TPR: variants seen among roughly 807,000 people sequenced by gnomAD.
TPR encodes the protein translocated promoter region, nuclear basket protein.
A neutral mutation model predicts 316.1 loss-of-function variants in TPR; 51 were observed. The observed-to-expected ratio is 0.16, with a 90% confidence interval of 0.13 to 0.20. TPR has a LOEUF of 0.20. Among genes scored for constraint, TPR ranks in the 10% least tolerant of loss-of-function variants. TPR has a pLI of 1.00. For missense variants in TPR, 2,272 were observed against 2,754.8 expected (o/e 0.82, Z 3.92); for synonymous variants, 981 against 914.7 (o/e 1.07, Z -1.31).
Position 186,318,516 on chromosome 1 carries a change from A to G in TPR, c.6752T>C (p.Leu2251Ser), listed in dbSNP as rs1369543016. 3.1e-6 allele frequency: 5 copies of G among 1,614,144 alleles called. No individual in the cohort carries two copies. Among genetic ancestry groups the G allele is most frequent in the Admixed American group, 1.7e-5 (1 of 60,012 alleles). The change falls in exon 48 of 51, where the codon TTA becomes TCA. Residue 2251 changes from leucine (L) to serine (S), a missense_variant. Physicochemically the swap from Leu to Ser is moderately radical, Grantham distance 145. Around this residue, in one of 10 missense-constraint regions of TPR, gnomAD observed 123 missense variants for 142.3 expected, o/e 0.86. Coordinates refer to ENST00000367478, the MANE Select transcript of TPR (RefSeq NM_003292.3). ...TGTTGCTGTTTCATTTGTTGTAGAT[A>G]AAGTGCCAGTGGATGTAGTCACCAT... ...VPMVTTSTGTLSTTNETATGD... is the reference protein window; with the variant it reads ...VPMVTTSTGTSSTTNETATGD...
At chr1:186,334,258 A>T (rs1658272634) in intron 36 of TPR, 67 bp downstream of exon 36, 1 of 1,423,728 alleles carries the variant, frequency 7.0e-7, no homozygotes, top group Admixed American at 2.2e-5. Flanking sequence ...TGTCTTTGAA[A>T]TTACTGTCAT....
At chr1:186,373,773 C>A (rs966905056) in intron 1 of TPR, among the ~76,000 whole-genome samples, 4 of 152,016 alleles carry the variant, frequency 2.6e-5, no homozygotes, top group Non-Finnish European at 4.4e-5. Context: ...CAGTAAACTG[C>A]TTAATAAATA....
In TPR at chr1:186,327,679, TA is replaced by T. The variant is rs775081240; in HGVS notation, c.5689-20del. 5.0e-6 allele frequency: 8 copies of T among 1,605,738 alleles called. No homozygotes were observed. In the Admixed American group the frequency reaches 1.2e-4, roughly 24 times the overall value. ...TAACTCCCTTTAAAAATAAAAAAGT[TA>T]AAAAAGAATTAAGAGCCCTATAAAC... On this transcript the variant is annotated intron_variant, in intron 39 of 50. Coordinates refer to ENST00000367478, the MANE Select transcript of TPR (RefSeq NM_003292.3).
intron 12 of TPR, 90 bp downstream of exon 12, chr1:186,359,708 CT>C: frequency 7.7e-7 from 1 of 1,290,742 alleles, no homozygotes; most frequent in Non-Finnish European, 1.0e-6. Flanking sequence ...TTAGATTTTT[CT>C]GACTCAATCA....
At position 186,332,196 on chromosome 1, in the gene TPR, T is replaced by G; in HGVS notation, c.5603A>C (p.Glu1868Ala). 3.7e-6 allele frequency: 6 copies of G among 1,607,048 alleles called. No individual in the cohort carries two copies. The highest frequency in any genetic ancestry group is 5.1e-6 in the Non-Finnish European group (6 of 1,177,352). The change falls in exon 38 of 51, where the codon GAG becomes GCG. Residue 1868 changes from glutamate (E) to alanine (A), a missense_variant and splice_region_variant. Coordinates refer to ENST00000367478, the MANE Select transcript of TPR (RefSeq NM_003292.3). Reference sequence around the variant, plus strand: ...ATACACAGAAAGAACTTTACGCACCTCAGTTCCTACAGGTGTGACACTTTT... The same window carrying G: ...ATACACAGAAAGAACTTTACGCACCGCAGTTCCTACAGGTGTGACACTTTT... ...KLKSVTPVGT[E>A]EEVMAEESTD...
At chr1:186,347,672 T>C (rs1315469736) in intron 21 of TPR, among the ~76,000 whole-genome samples, 4 of 152,204 alleles carry the variant, frequency 2.6e-5, no homozygotes, top group African/African-American at 4.8e-5. Context: ...TTTAAATCTG[T>C]TACAAAAATT....
In TPR at chr1:186,357,399, G is replaced by A. The variant is rs1471540815; in HGVS notation, c.1722C>T (p.Ser574=). ...REREEQETTS[S]KITELQLKLE... ...AGCTGAGGTATGTGACTACTTACTT[G>A]GATGAAGTTGTTTCTTGTTCTTCTC... The change falls in exon 14 of 51, where the codon TCC becomes TCT. Residue 574 remains serine (S), a splice_region_variant and synonymous_variant. Coordinates refer to ENST00000367478, the MANE Select transcript of TPR (RefSeq NM_003292.3). 3 of 1,613,206 alleles carry A rather than the reference G, an allele frequency of 1.9e-6. No individual in the cohort carries two copies. Among genetic ancestry groups the A allele is most frequent in the African/African-American group, 1.3e-5 (1 of 74,744 alleles).
intron 1 of TPR, among the ~76,000 whole-genome samples, chr1:186,373,945 T>A (rs1243429488): frequency 6.6e-6 from 1 of 152,244 alleles, no homozygotes; most frequent in Admixed American, 6.5e-5. Context: ...TTGAATATCA[T>A]GTTCAGCATA....
chr1:186,322,450 A>T (rs924341607), intron 44 of TPR, 38 bp from the exon 45 acceptor site: 2 of 1,609,494 alleles, frequency 1.2e-6, no homozygotes, highest in Non-Finnish European at 1.7e-6. Context: ...ACAAAACACC[A>T]CACATATGGA....
At position 186,371,182 on chromosome 1, in the gene TPR, C is replaced by A; in HGVS notation, c.257-139G>T. ...AAAGACTGCATTGTACATCACATTCCAAATTCATGAATGCATTCAAAATTT... is the reference window on the plus strand; with the variant it reads ...AAAGACTGCATTGTACATCACATTCAAAATTCATGAATGCATTCAAAATTT... On this transcript the variant is annotated intron_variant, in intron 2 of 50. Transcript: ENST00000367478. 1.4e-5 allele frequency: 9 copies of A among 659,886 alleles called. No individual in the cohort carries two copies. In the South Asian group the frequency reaches 1.8e-4, roughly 13 times the overall value. 40.9% of individuals were successfully genotyped at this position (659,886 alleles called of 1,614,324 possible). A position where few individuals can be genotyped will look rare whatever the true frequency, so the allele number is the denominator to read the frequency against.
intron 39 of TPR, 30 bp downstream of exon 39, chr1:186,331,468 G>T (rs1658164278): frequency 2.0e-6 from 3 of 1,498,642 alleles, no homozygotes; most frequent in African/African-American, 1.4e-5. Context: ...AAAAGCAACG[G>T]TGTGGTACTT....
At chr1:186,337,379 A>C (rs912833090) in intron 31 of TPR, among the ~76,000 whole-genome samples, 11 of 152,188 alleles carry the variant, frequency 7.2e-5, no homozygotes, top group African/African-American at 2.7e-4. Context: ...ATGATGCATT[A>C]TAGTTGAATT....
At position 186,311,828 on chromosome 1, in the gene TPR, A is replaced by C; in HGVS notation, c.*2143T>G. On this transcript the variant is annotated 3_prime_UTR_variant, in exon 51 of 51. Transcript: ENST00000367478. ...GTTTTCAGGTCACTGATAGAATGTC[A>C]TTTACTTTCGCTTCACAAATGTGCA... The C allele has an allele frequency of 5.1e-6, 3 of 589,678 alleles. No individual in the cohort carries two copies. Among genetic ancestry groups the C allele is most frequent in the African/African-American group, 1.9e-5 (1 of 53,858 alleles). The allele number at this position is 589,678 out of a possible 1,614,324, so 36.5% of individuals were successfully genotyped here. A position where few individuals can be genotyped will look rare whatever the true frequency, so the allele number is the denominator to read the frequency against.
At chr1:186,334,960 G>GTT (rs1375081617) in intron 35 of TPR, 108 bp downstream of exon 35, 1 of 1,156,860 alleles carries the variant, frequency 8.6e-7, no homozygotes, top group Non-Finnish European at 1.2e-6. Context: ...TTTAGTGTAT[G>GTT]TTTTTACAAT....
At chr1:186,341,774 T>C (rs957772336) in intron 27 of TPR, 1 of 161,038 alleles carries the variant, frequency 6.2e-6, no homozygotes, top group East Asian at 1.8e-4. Flanking sequence ...CTCATTTTGA[T>C]CCATTGTTTC....
At chr1:186,315,704 A>C (rs1451254856) in intron 49 of TPR, among the ~76,000 whole-genome samples, 1 of 151,646 alleles carries the variant, frequency 6.6e-6, no homozygotes, top group Admixed American at 6.6e-5. Context: ...AGCCAAGGCA[A>C]TTACAATGAT....
chr1:186,340,456 G>A (rs1243793867), intron 29 of TPR, among the ~76,000 whole-genome samples: 1 of 150,852 alleles, frequency 6.6e-6, no homozygotes, highest in African/African-American at 2.4e-5. Flanking sequence ...TTTTGAGACA[G>A]GGTCTCCCTC....
Position 186,351,992 on chromosome 1 carries a change from T to C in TPR, c.2453A>G (p.Asn818Ser), listed in dbSNP as rs772446752. The C allele has an allele frequency of 6.2e-7, 1 of 1,601,394 alleles. No homozygotes were observed. The highest frequency in any genetic ancestry group is 1.1e-5 in the South Asian group (1 of 87,480). Reference protein sequence around the residue: ...EQRGQNLLLTNLQTIQGILER... With the variant: ...EQRGQNLLLTSLQTIQGILER... Reference sequence around the variant, plus strand: ...TTTGGTTACCTGAATTGTTTGCAGATTAGTTAGCAGTAAGTTTTGCCCCCT... The same window carrying C: ...TTTGGTTACCTGAATTGTTTGCAGACTAGTTAGCAGTAAGTTTTGCCCCCT... The change falls in exon 19 of 51, where the codon AAT (asparagine) becomes AGT (serine). Residue 818 changes from asparagine to serine, a missense_variant. Physicochemically the swap from Asn to Ser is conservative, Grantham distance 46. Coordinates refer to ENST00000367478, the MANE Select transcript of TPR (RefSeq NM_003292.3).
intron 4 of TPR, among the ~76,000 whole-genome samples, chr1:186,367,036 T>TA (rs200613734): frequency 8.2e-4 from 106 of 129,044 alleles, no homozygotes; most frequent in African/African-American, 2.2e-3. Flanking sequence ...CAAAAACCAT[T>TA]AAAAAAAAAA....
Sources: gnomAD v4.1 joint callset for allele counts (sites outside exome capture counted in the v4.1 genomes callset) on GRCh38, gnomAD v4.1.1 for gene constraint, gnomAD v4.1.1 regional missense constraint, MANE v1.5 for transcripts, NCBI Gene and HGNC (gene_info 2026-07-23, HGNC 2026-07-21) for gene names.